IGSF21: variants seen among roughly 807,000 people sequenced by gnomAD.
IGSF21 encodes immunoglobin superfamily member 21.
Under a neutral mutation model 46.8 loss-of-function variants are expected in IGSF21, and 28 were observed. The ratio of observed to expected loss-of-function variants is 0.60; its 90% CI spans 0.44 to 0.82. The LOEUF (loss-of-function observed/expected upper bound fraction) is 0.82. Ranked by LOEUF, IGSF21 falls within the 40% of genes least tolerant of loss-of-function variation. The pLI, the probability that IGSF21 is intolerant of heterozygous loss-of-function variation, is 0.00. For synonymous variants in IGSF21, 284 were observed against 273.6 expected, an observed-to-expected ratio of 1.04 and a Z score of -0.38; for missense variants, 624 against 665.5, an observed-to-expected ratio of 0.94 and a Z score of 0.69.
At chr1:18,316,913 C>A (rs1321826271) in intron 3 of IGSF21, among the ~76,000 whole-genome samples, 4 of 152,202 alleles carry the variant, frequency 2.6e-5, no homozygotes, top group African/African-American at 9.6e-5. Flanking sequence ...CCAATCCATG[C>A]CTAGCAATGT....
Position 18,123,712 on chromosome 1 carries a change from G to T in IGSF21, c.70+15514G>T, listed in dbSNP as rs191110793. Among the ~76,000 whole-genome samples the T allele has an allele frequency of 3.7e-3, 565 of 152,192 alleles. 4 individuals carry two copies. The highest frequency in any genetic ancestry group is 0.013 in the African/African-American group (528 of 41,500). ...GAAGGGAGTGGAGGGATCTGAGCAG[G>T]ATACAACAGCAAGGATAAAGGCCTA... On this transcript the variant is annotated intron_variant, in intron 1 of 9. Transcript: ENST00000251296.
At chr1:18,317,723 T>C (rs2085557189) in intron 3 of IGSF21, among the ~76,000 whole-genome samples, 1 of 152,130 alleles carries the variant, frequency 6.6e-6, no homozygotes, top group African/African-American at 2.4e-5. Context: ...AGCTGAGTGA[T>C]TGGAAGAAAG....
At chr1:18,235,765 T>C (rs12041943) in intron 2 of IGSF21, among the ~76,000 whole-genome samples, 32,424 of 151,960 alleles carry the variant, frequency 0.21, 3,930 homozygotes, top group East Asian at 0.27. Flanking sequence ...AGTAACAGGG[T>C]CTGGTTTACT....
chr1:18,356,955 G>A (rs1297463750), intron 4 of IGSF21, among the ~76,000 whole-genome samples: 1 of 151,700 alleles, frequency 6.6e-6, no homozygotes, highest in Non-Finnish European at 1.5e-5. Flanking sequence ...GATGGAAATG[G>A]AGCTGAATGT....
At chr1:18,373,825 C>G (rs938151848) in intron 6 of IGSF21, among the ~76,000 whole-genome samples, 1 of 152,192 alleles carries the variant, frequency 6.6e-6, no homozygotes, top group Admixed American at 6.5e-5. Flanking sequence ...CAATGGGTTT[C>G]GTGATAACCT....
In IGSF21 at chr1:18,312,218, A is replaced by G. The variant is rs774994616; in HGVS notation, c.305+20231A>G. 9.2e-5 allele frequency among the ~76,000 whole-genome samples: 14 copies of G among 152,344 alleles called. No homozygotes were observed. In the East Asian group the frequency reaches 2.1e-3, roughly 23 times the overall value. The stretch of plus-strand genomic sequence containing the variant: ...GTAGGTTGCCTGAGGCAGTCAATGC[A>G]TATCTGTTGAATGAATGAATTAAAT... On this transcript the variant is annotated intron_variant, in intron 3 of 9. Transcript: ENST00000251296.
At chr1:18,151,736 G>A (rs749166610) in intron 1 of IGSF21, among the ~76,000 whole-genome samples, 1 of 152,146 alleles carries the variant, frequency 6.6e-6, no homozygotes, top group Non-Finnish European at 1.5e-5. Context: ...GGGGGCTGTG[G>A]GGGGCGGGTC....
chr1:18,354,891 TG>T (rs968436967), intron 4 of IGSF21, among the ~76,000 whole-genome samples: 1,362 of 74,082 alleles, frequency 0.018, 14 homozygotes, highest in African/African-American at 0.08. Context: ...GGTTTATGTT[TG>T]CTTTCCTGTT....
intron 1 of IGSF21, among the ~76,000 whole-genome samples, chr1:18,195,465 C>G (rs2086997973): frequency 6.6e-6 from 1 of 152,174 alleles, no homozygotes; most frequent in South Asian, 2.1e-4. Context: ...CTTCCTCTTC[C>G]TTCTTCTCCA....
At chr1:18,261,257 T>G (rs1397086705) in intron 2 of IGSF21, among the ~76,000 whole-genome samples, 1 of 152,086 alleles carries the variant, frequency 6.6e-6, no homozygotes, top group East Asian at 1.9e-4. Context: ...TTTCCAGAAG[T>G]GTCATGCAAG....
At chr1:18,340,687 G>A (rs2085823653) in intron 4 of IGSF21, among the ~76,000 whole-genome samples, 1 of 152,258 alleles carries the variant, frequency 6.6e-6, no homozygotes, top group South Asian at 2.1e-4. Context: ...TGAAATCAAG[G>A]TGTCAGTAGG....
intron 2 of IGSF21, among the ~76,000 whole-genome samples, chr1:18,275,830 C>G (rs923875951): frequency 6.6e-6 from 1 of 152,062 alleles, no homozygotes; most frequent in African/African-American, 2.4e-5. Flanking sequence ...TCCACCCAAG[C>G]TTTTGGGTGG....
rs964806532 is a variant in IGSF21 at position 18,198,064 on chromosome 1, G to A, written c.71-29834G>A. On this transcript the variant is annotated intron_variant, in intron 1 of 9. Coordinates refer to ENST00000251296, the MANE Select transcript of IGSF21 (RefSeq NM_032880.5). ...CTTAATCACTTGTAGACATTTCTCT[G>A]GCTCTTTGCAGAAAGATATTTTAAA... Among the ~76,000 whole-genome samples the A allele has an allele frequency of 2.6e-5, 4 of 152,170 alleles. No individual in the cohort carries two copies. The East Asian group carries it at 5.8e-4, about 22-fold the overall frequency.
intron 1 of IGSF21, among the ~76,000 whole-genome samples, chr1:18,204,484 C>T (rs893045227): frequency 2.0e-5 from 3 of 152,064 alleles, no homozygotes; most frequent in Admixed American, 1.3e-4. Context: ...GTGTGGCGTG[C>T]GCTGCTTGGT....
intron 2 of IGSF21, among the ~76,000 whole-genome samples, chr1:18,288,890 C>A (rs1458811529): frequency 6.6e-6 from 1 of 152,242 alleles, no homozygotes; most frequent in Admixed American, 6.5e-5. Context: ...ACTCCTCTGG[C>A]TGACAGTGAG....
intron 1 of IGSF21, among the ~76,000 whole-genome samples, chr1:18,203,598 C>T (rs1413620540): frequency 2.0e-5 from 3 of 152,158 alleles, no homozygotes; most frequent in Non-Finnish European, 2.9e-5. Context: ...CGTGAGCCAC[C>T]GTGACCAGCC....
intron 2 of IGSF21, among the ~76,000 whole-genome samples, chr1:18,287,148 T>G (rs1569729478): frequency 6.8e-6 from 1 of 146,218 alleles, no homozygotes; most frequent in Admixed American, 6.9e-5. Context: ...GCCACTGCAC[T>G]CCAGCCTGGG....
chr1:18,204,626 A>C (rs1160468122), intron 1 of IGSF21, among the ~76,000 whole-genome samples: 1 of 152,090 alleles, frequency 6.6e-6, no homozygotes, highest in Non-Finnish European at 1.5e-5. Flanking sequence ...GTCAAGTAGG[A>C]GGGCCATCCA....
At chr1:18,174,071 C>T (rs58772987) in intron 1 of IGSF21, among the ~76,000 whole-genome samples, 1 of 152,110 alleles carries the variant, frequency 6.6e-6, no homozygotes, top group East Asian at 1.9e-4. Flanking sequence ...ATTTTAAAAT[C>T]ATACTTTCCA....
Sources: allele counts gnomAD v4.1 joint callset (sites outside exome capture counted in the v4.1 genomes callset), GRCh38; gene constraint gnomAD v4.1.1; transcripts MANE v1.5; gene names NCBI Gene and HGNC (gene_info 2026-07-23, HGNC 2026-07-21).